SPECC1L: variants seen among roughly 807,000 people sequenced by gnomAD.
The protein encoded by SPECC1L is sperm antigen with calponin homology and coiled-coil domains 1 like.
Under a neutral mutation model 116.8 loss-of-function variants are expected in SPECC1L, and 40 were observed. The ratio of observed to expected loss-of-function variants is 0.34; its 90% CI spans 0.27 to 0.45. The LOEUF (loss-of-function observed/expected upper bound fraction) is 0.45. Among genes scored for constraint, SPECC1L ranks in the 20% least tolerant of loss-of-function variants. The pLI is 1.00. For missense variants in SPECC1L, 1,110 were observed against 1,373.6 expected, an observed-to-expected ratio of 0.81 and a Z score of 3.03; for synonymous variants, 504 against 500.6, an observed-to-expected ratio of 1.01 and a Z score of -0.09.
At chr22:24,324,078 AAC>A (rs1475020513) in intron 5 of SPECC1L, 140 bp from the exon 6 acceptor site, 1 of 690,598 alleles carries the variant, frequency 1.4e-6, no homozygotes, top group African/African-American at 1.8e-5. Flanking sequence ...CATACTTTTT[AAC>A]AGTTATTACA....
In SPECC1L at chr22:24,282,053, CAG is replaced by C. The variant is rs2048954269; in HGVS notation, c.-38+5251_-38+5252del. ...CGATGGGCCAGGAGTGCTGATTGGT[CAG>C]GGGTGAAATCAAAAGGAGTTGAAAC... On this transcript the variant is annotated intron_variant, in intron 2 of 16. Transcript: ENST00000314328. Among the ~76,000 whole-genome samples the C allele has an allele frequency of 2.0e-5, 3 of 152,262 alleles. No individual in the cohort carries two copies. In the South Asian group the frequency reaches 6.2e-4, roughly 32 times the overall value.
rs2040746040 is a variant in SPECC1L, at chr22:24,322,734, A to G, written c.1754A>G (p.Asn585Ser). The change falls in exon 5 of 17, where the codon AAT (asparagine) becomes AGT (serine). Residue 585 changes from asparagine to serine, a missense_variant. By Grantham distance (46) the Asn-to-Ser change is conservative (BLOSUM62 1). Around this residue, in one of 4 missense-constraint regions of SPECC1L, gnomAD observed 575 missense variants for 682.4 expected, o/e 0.84. Coordinates refer to ENST00000314328, the MANE Select transcript of SPECC1L (RefSeq NM_015330.6). ...AATCGCCTGAAGGCTCAGCTGGAGA[A>G]TGAAAAGCAGAAAGTGGCAGAGCTG... ...EMNRLKAQLENEKQKVAELYS... is the reference protein window; with the variant it reads ...EMNRLKAQLESEKQKVAELYS... 6.3e-7 allele frequency: 1 copy of G among 1,584,190 alleles called. No homozygotes were observed. Among genetic ancestry groups the G allele is most frequent in the South Asian group, 1.2e-5 (1 of 85,652 alleles).
chr22:24,321,609 G>A lies in SPECC1L; in HGVS notation c.629G>A (p.Arg210His), dbSNP rs201626909. The A allele has an allele frequency of 2.0e-5, 33 of 1,614,198 alleles. No homozygotes were observed. The highest frequency in any genetic ancestry group is 8.3e-5 in the Admixed American group (5 of 60,030). The change falls in exon 5 of 17, where the codon CGT becomes CAT. Residue 210 changes from arginine to histidine, a missense_variant. Arg to His is a conservative substitution (Grantham distance 29, BLOSUM62 0). This residue lies in a region of SPECC1L where 437 missense variants were observed against 482.6 expected (regional missense o/e 0.91). Transcript: ENST00000314328. ...LHLRNELRDM[R>H]AQLGINEDHS... is the part of the protein sequence containing the mutation. ...TTGAGAAATGAACTGCGAGACATGCGTGCCCAGCTGGGCATTAATGAGGAT... is the reference window on the plus strand; with the variant it reads ...TTGAGAAATGAACTGCGAGACATGCATGCCCAGCTGGGCATTAATGAGGAT...
At chr22:24,385,828 G>A (rs575279132) in intron 14 of SPECC1L, among the ~76,000 whole-genome samples, 16 of 152,262 alleles carry the variant, frequency 1.1e-4, no homozygotes, top group African/African-American at 3.9e-4. Context: ...TCTCATTAAC[G>A]AATAGAAAAA....
chr22:24,274,508 A>AGACT (rs1443688250), intron 1 of SPECC1L, among the ~76,000 whole-genome samples: 1 of 152,254 alleles, frequency 6.6e-6, no homozygotes, highest in Non-Finnish European at 1.5e-5. Context: ...TACATTCTGA[A>AGACT]GACTGACTGA....
intron 2 of SPECC1L, among the ~76,000 whole-genome samples, chr22:24,287,015 T>C (rs1257292753): frequency 6.6e-6 from 1 of 152,164 alleles, no homozygotes; most frequent in Non-Finnish European, 1.5e-5. Flanking sequence ...GACACTTAGG[T>C]GAGTGCTGTG....
intron 2 of SPECC1L, among the ~76,000 whole-genome samples, chr22:24,288,083 T>C (rs2049077712): frequency 6.6e-6 from 1 of 152,204 alleles, no homozygotes; most frequent in African/African-American, 2.4e-5. Context: ...TCCCTTCTCT[T>C]TCAGCTCTGC....
chr22:24,381,740 C>A (rs975059826), intron 14 of SPECC1L, among the ~76,000 whole-genome samples: 2 of 151,842 alleles, frequency 1.3e-5, no homozygotes, highest in African/African-American at 4.8e-5. Context: ...AAAAATTAGC[C>A]AGGCGTGGTG....
intron 14 of SPECC1L, among the ~76,000 whole-genome samples, chr22:24,401,624 C>G (rs1222587727): frequency 2.6e-5 from 4 of 152,186 alleles, no homozygotes; most frequent in African/African-American, 9.7e-5. Context: ...TTCCAGCACT[C>G]AGGTTCACGA....
At chr22:24,375,348 A>C (rs1485513493) in intron 14 of SPECC1L, among the ~76,000 whole-genome samples, 3 of 152,186 alleles carry the variant, frequency 2.0e-5, no homozygotes, top group African/African-American at 7.2e-5. Flanking sequence ...CTCTCATACC[A>C]AAAACGGAAA....
At position 24,321,284 on chromosome 22, in the gene SPECC1L, A is replaced by G. The variant is rs778940085; in HGVS notation, c.308-4A>G. 2 of 1,613,636 alleles carry G rather than the reference A, an allele frequency of 1.2e-6. No homozygotes were observed. The highest frequency in any genetic ancestry group is 8.5e-7 in the Non-Finnish European group (1 of 1,180,030). On this transcript the variant is annotated splice_polypyrimidine_tract_variant and splice_region_variant and intron_variant, in intron 4 of 16. Transcript: ENST00000314328. Reference sequence around the variant, plus strand: ...GCCTTACATTTTTTGTATTAAACACATAGGCACAGCTTCTTCAACCAAGCG... The same window carrying G: ...GCCTTACATTTTTTGTATTAAACACGTAGGCACAGCTTCTTCAACCAAGCG...
intron 3 of SPECC1L, among the ~76,000 whole-genome samples, chr22:24,309,313 A>G (rs2049566467): frequency 6.6e-6 from 1 of 152,216 alleles, no homozygotes; most frequent in South Asian, 2.1e-4. Context: ...TCTACAGCCT[A>G]TATTTACTTA....
intron 14 of SPECC1L, among the ~76,000 whole-genome samples, chr22:24,397,825 T>C (rs17004912): frequency 6.6e-6 from 1 of 152,204 alleles, no homozygotes; most frequent in Non-Finnish European, 1.5e-5. Flanking sequence ...GGACTTTGTT[T>C]CTGGATGGAG....
intron 15 of SPECC1L, chr22:24,412,237 CCG>C (rs2042712516): frequency 2.8e-6 from 1 of 363,088 alleles, no homozygotes; most frequent in African/African-American, 2.1e-5. Flanking sequence ...GGATCCAGGC[CCG>C]CAGCCCCCAC....
intron 3 of SPECC1L, among the ~76,000 whole-genome samples, chr22:24,309,263 A>G (rs1213551364): frequency 2.6e-5 from 4 of 152,190 alleles, no homozygotes; most frequent in South Asian, 2.1e-4. Context: ...TCCACATCCT[A>G]TAATTGTAAT....
intron 2 of SPECC1L, among the ~76,000 whole-genome samples, chr22:24,281,142 T>C (rs989692536): frequency 8.5e-5 from 13 of 152,214 alleles, no homozygotes; most frequent in Non-Finnish European, 1.6e-4. Context: ...AAGGATGTTT[T>C]GTATTTATAT....
chr22:24,367,559 A>G (rs190676724), intron 13 of SPECC1L, among the ~76,000 whole-genome samples: 2 of 152,274 alleles, frequency 1.3e-5, no homozygotes, highest in East Asian at 3.9e-4. Context: ...TGCTTTATTT[A>G]AAGCAAAGCA....
chr22:24,361,053 A>C (rs1474839564), intron 11 of SPECC1L, among the ~76,000 whole-genome samples: 1 of 152,178 alleles, frequency 6.6e-6, no homozygotes, highest in Non-Finnish European at 1.5e-5. Context: ...CCACTCCCCT[A>C]GGCCTCCAAA....
intron 14 of SPECC1L, among the ~76,000 whole-genome samples, chr22:24,401,830 G>T (rs1358851968): frequency 2.6e-5 from 4 of 152,146 alleles, no homozygotes; most frequent in Non-Finnish European, 4.4e-5. Context: ...TTCACACCAC[G>T]TGAATGAATG....
Sources: gnomAD v4.1 joint callset for allele counts (sites outside exome capture counted in the v4.1 genomes callset) on GRCh38, gnomAD v4.1.1 for gene constraint, gnomAD v4.1.1 regional missense constraint, MANE v1.5 for transcripts, NCBI Gene and HGNC (gene_info 2026-07-23, HGNC 2026-07-21) for gene names.